The following ZC3H3 variants were observed in gnomAD, a reference collection of about 807,000 sequenced individuals.
ZC3H3 encodes the protein zinc finger CCCH domain-containing protein 3.
In ZC3H3, 36 loss-of-function variants were observed where a neutral mutation model predicts 77.3. That is an observed-to-expected ratio of 0.47 (90% CI 0.36 to 0.61). ZC3H3 has a LOEUF of 0.61. Ranked by LOEUF, ZC3H3 falls within the 20% of genes least tolerant of loss-of-function variation. The pLI, the probability that ZC3H3 is intolerant of heterozygous loss-of-function variation, is 0.00. For synonymous variants in ZC3H3, 626 were observed against 555.2 expected, an observed-to-expected ratio of 1.13 and a Z score of -1.79; for missense variants, 1,331 against 1,312.2, an observed-to-expected ratio of 1.01 and a Z score of -0.22.
At chr8:143,518,580 T>G (rs1173580707) in intron 3 of ZC3H3, among the ~76,000 whole-genome samples, 3 of 152,194 alleles carry the variant, frequency 2.0e-5, no homozygotes, top group Non-Finnish European at 4.4e-5. Flanking sequence ...GCCTTTCCTG[T>G]GACTGCGGGA....
At chr8:143,489,446 T>A (rs920140983) in intron 4 of ZC3H3, among the ~76,000 whole-genome samples, 2 of 152,128 alleles carry the variant, frequency 1.3e-5, no homozygotes, top group African/African-American at 4.8e-5. Flanking sequence ...CCACCGCGGC[T>A]GGGCCACGGA....
chr8:143,536,116 C>T, intron 3 of ZC3H3, 141 bp downstream of exon 3: 1 of 1,056,714 alleles, frequency 9.5e-7, no homozygotes, highest in Non-Finnish European at 1.3e-6. Flanking sequence ...CAGCCCACCA[C>T]CACCGTCTGC....
chr8:143,460,457 CGT>C lies in ZC3H3; in HGVS notation c.2307+5258_2307+5259del, dbSNP rs1160195268. Among the ~76,000 whole-genome samples, 6 of 152,040 alleles carry C rather than the reference CGT, an allele frequency of 3.9e-5. No individual in the cohort carries two copies. The highest frequency in any genetic ancestry group is 8.8e-5 in the Non-Finnish European group (6 of 68,012). The stretch of plus-strand genomic sequence containing the variant: ...TGTGGAGAAACGGGAACCCGTGCGC[CGT>C]TGCTGGGAACGTAAAGTGGTTCAGC... On this transcript the variant is annotated intron_variant, in intron 9 of 11. Transcript: ENST00000262577. The surrounding 1 kb of genome is among the most constrained non-coding windows in gnomAD (Gnocchi z 4.0).
chr8:143,475,712 ACACACTCCAGCTGGGTGACCACG>A, intron 4 of ZC3H3, 127 bp from the exon 5 acceptor site: 1 of 1,144,960 alleles, frequency 8.7e-7, no homozygotes, highest in Non-Finnish European at 1.2e-6. Flanking sequence ...TGCGGTGGGT[ACACACTCCAGCTGGGTGACCACG>A]GGCCATTGGC....
intron 11 of ZC3H3, among the ~76,000 whole-genome samples, chr8:143,439,258 C>T (rs1443208257): frequency 6.6e-6 from 1 of 152,140 alleles, no homozygotes; most frequent in African/African-American, 2.4e-5. Flanking sequence ...AGGCTGTGAA[C>T]AGGAGGCGGC....
Position 143,460,459 on chromosome 8 carries a change from T to C in ZC3H3, c.2307+5258A>G, listed in dbSNP as rs991719145. On this transcript the variant is annotated intron_variant, in intron 9 of 11. Transcript: ENST00000262577. The surrounding 1 kb of genome is among the most constrained non-coding windows in gnomAD (Gnocchi z 4.0). ...TGGAGAAACGGGAACCCGTGCGCCG[T>C]TGCTGGGAACGTAAAGTGGTTCAGC... Among the ~76,000 whole-genome samples the C allele has an allele frequency of 4.6e-5, 7 of 152,170 alleles. No homozygotes were observed. Among genetic ancestry groups the C allele is most frequent in the Non-Finnish European group, 1.0e-4 (7 of 68,002 alleles).
At chr8:143,535,963 C>T (rs148551307) in intron 3 of ZC3H3, among the ~76,000 whole-genome samples, 12 of 152,352 alleles carry the variant, frequency 7.9e-5, no homozygotes, top group African/African-American at 2.6e-4. Context: ...AAGGGCTCAG[C>T]AGCCGCCGCC....
chr8:143,471,819 G>A (rs1349662894), intron 5 of ZC3H3, among the ~76,000 whole-genome samples: 1 of 152,240 alleles, frequency 6.6e-6, no homozygotes, highest in Non-Finnish European at 1.5e-5. Flanking sequence ...CTGACACCAG[G>A]GGAGGAAATT....
At chr8:143,507,553 G>C (rs1821740713) in intron 4 of ZC3H3, among the ~76,000 whole-genome samples, 193 bp downstream of exon 4, 1 of 152,272 alleles carries the variant, frequency 6.6e-6, no homozygotes, top group Non-Finnish European at 1.5e-5. Flanking sequence ...ACACAAGCTG[G>C]CCTCCTATTT....
intron 4 of ZC3H3, among the ~76,000 whole-genome samples, chr8:143,483,155 G>A (rs954063664): frequency 6.6e-5 from 10 of 152,244 alleles, no homozygotes; most frequent in African/African-American, 1.9e-4. Context: ...GGGGGGAGGC[G>A]GCGCCGCAGC....
At chr8:143,509,566 C>T (rs946565709) in intron 3 of ZC3H3, among the ~76,000 whole-genome samples, 9 of 152,250 alleles carry the variant, frequency 5.9e-5, no homozygotes, top group Non-Finnish European at 1.0e-4. Context: ...CAGCCTGCAG[C>T]CTGCTTCCCA....
chr8:143,532,609 G>A (rs1386705250), intron 3 of ZC3H3, among the ~76,000 whole-genome samples: 1 of 152,278 alleles, frequency 6.6e-6, no homozygotes, highest in Non-Finnish European at 1.5e-5. Flanking sequence ...ACCCGGGAGG[G>A]CTGAAGGAGG....
intron 3 of ZC3H3, among the ~76,000 whole-genome samples, chr8:143,531,025 T>C (rs1461278156): frequency 6.7e-6 from 1 of 148,898 alleles, no homozygotes; most frequent in African/African-American, 2.5e-5. Flanking sequence ...AGTGGTGCGA[T>C]CATGGCTCAC....
rs185863411 is a variant in ZC3H3, at chr8:143,444,263, C to T, written c.2308-3143G>A. On this transcript the variant is annotated intron_variant, in intron 9 of 11. Transcript: ENST00000262577. ...TGCTGGGATTACAGGTGTGAGCCACCGCACCTGGCCTTTACTTGTGGTTCT... is the reference window on the plus strand; with the variant it reads ...TGCTGGGATTACAGGTGTGAGCCACTGCACCTGGCCTTTACTTGTGGTTCT... Among the ~76,000 whole-genome samples, 183 of 152,170 alleles carry T rather than the reference C, an allele frequency of 1.2e-3. 3 individuals are homozygous for T. The highest frequency in any genetic ancestry group is 3.9e-3 in the African/African-American group (163 of 41,508).
chr8:143,516,508 G>A (rs1489433538), intron 3 of ZC3H3, among the ~76,000 whole-genome samples: 2 of 150,904 alleles, frequency 1.3e-5, no homozygotes, highest in East Asian at 2.0e-4. Flanking sequence ...TCGTCAGCGC[G>A]AAAGGAAACT....
intron 1 of ZC3H3, among the ~76,000 whole-genome samples, chr8:143,540,466 G>A (rs1283570380): frequency 1.3e-5 from 2 of 152,194 alleles, no homozygotes. Context: ...CCGGGCTCAA[G>A]CCATCCTCCT....
chr8:143,475,899 C>T lies in ZC3H3; in HGVS notation c.1716-314G>A, dbSNP rs191717227. 3.7e-4 allele frequency among the ~76,000 whole-genome samples: 57 copies of T among 152,310 alleles called. No individual in the cohort carries two copies. In the East Asian group the frequency reaches 7.3e-3, roughly 20 times the overall value. On this transcript the variant is annotated intron_variant, in intron 4 of 11. Coordinates refer to ENST00000262577, the MANE Select transcript of ZC3H3 (RefSeq NM_015117.3). ...GGAACTCATGCGCCCCTAGAAGCCA[C>T]GGTGAGAGGGCAGCGTCGTCCTCCA...
chr8:143,523,553 G>A (rs1822318391), intron 3 of ZC3H3: 1 of 985,202 alleles, frequency 1.0e-6, no homozygotes, highest in Non-Finnish European at 1.2e-6. Context: ...CACCAGCTTG[G>A]TGAGCTCCCA....
At chr8:143,478,549 A>T (rs979031773) in intron 4 of ZC3H3, among the ~76,000 whole-genome samples, 2 of 152,202 alleles carry the variant, frequency 1.3e-5, no homozygotes, top group South Asian at 4.1e-4. Context: ...TGCTCTTGTG[A>T]CCCAGGCTAG....
Sources: gnomAD v4.1 joint callset for allele counts (sites outside exome capture counted in the v4.1 genomes callset) on GRCh38, gnomAD v4.1.1 for gene constraint, Gnocchi (gnomAD v3.1) non-coding constraint, MANE v1.5 for transcripts, NCBI Gene and HGNC (gene_info 2026-07-23, HGNC 2026-07-21) for gene names.